Variants in EPHA6 observed in about 807,000 individuals in gnomAD.
EPHA6 encodes ephrin type-A receptor 6.
In EPHA6, 50 loss-of-function variants were observed where a neutral mutation model predicts 112.0. The ratio of observed to expected loss-of-function variants is 0.45; its 90% confidence interval spans 0.36 to 0.56. The LOEUF (loss-of-function observed/expected upper bound fraction) is 0.56, where lower values mean the gene tolerates loss of function less well. EPHA6 is among the 20% of genes least tolerant of loss of function. The pLI is 0.00. For missense variants in EPHA6, 1,280 were observed against 1,417.4 expected, an observed-to-expected ratio of 0.90 and a Z score of 1.56; for synonymous variants, 529 against 490.7, an observed-to-expected ratio of 1.08 and a Z score of -1.03.
chr3:97,066,390 T>G (rs891120171), intron 3 of EPHA6, among the ~76,000 whole-genome samples: 1 of 152,180 alleles, frequency 6.6e-6, no homozygotes, highest in African/African-American at 2.4e-5. Flanking sequence ...ATGTATTAAT[T>G]AAAGGTACTT....
At chr3:96,956,499 A>G (rs1016023809) in intron 2 of EPHA6, among the ~76,000 whole-genome samples, 1 of 152,112 alleles carries the variant, frequency 6.6e-6, no homozygotes, top group African/African-American at 2.4e-5. Context: ...TTTTCATTAC[A>G]TCTAATTAAA....
At chr3:97,702,519 C>T (rs562331893) in intron 14 of EPHA6, among the ~76,000 whole-genome samples, 25 of 152,274 alleles carry the variant, frequency 1.6e-4, no homozygotes, top group African/African-American at 5.8e-4. Flanking sequence ...AAAACAGAAA[C>T]TAAAACTTCT....
intron 3 of EPHA6, among the ~76,000 whole-genome samples, chr3:97,063,036 A>G (rs2046070633): frequency 6.6e-6 from 1 of 152,198 alleles, no homozygotes; most frequent in East Asian, 1.9e-4. Context: ...GCTATTACTA[A>G]AAAGTCAAAA....
chr3:97,140,391 A>G lies in EPHA6; in HGVS notation c.1115-85873A>G, dbSNP rs544795719. ...CATCACCAAGGCATACGGTTATCAG[A>G]CTATCCAAAGTGAACATGAGAGGAA... On this transcript the variant is annotated intron_variant, in intron 3 of 17. Coordinates refer to ENST00000389672, the MANE Select transcript of EPHA6 (RefSeq NM_001080448.3). Among the ~76,000 whole-genome samples the G allele has an allele frequency of 2.0e-5, 3 of 152,284 alleles. No individual in the cohort carries two copies. The East Asian group carries it at 5.8e-4, about 30-fold the overall frequency.
chr3:97,397,380 A>T (rs2086752785), intron 5 of EPHA6, among the ~76,000 whole-genome samples: 1 of 151,660 alleles, frequency 6.6e-6, no homozygotes, highest in Non-Finnish European at 1.5e-5. Flanking sequence ...GTCAGAATCA[A>T]ATGTCATATA....
At chr3:97,287,507 A>T (rs756574350) in intron 5 of EPHA6, among the ~76,000 whole-genome samples, 7 of 152,142 alleles carry the variant, frequency 4.6e-5, no homozygotes, top group Non-Finnish European at 8.8e-5. Context: ...AAACTAGGCA[A>T]AGAAGGAGCA....
intron 2 of EPHA6, among the ~76,000 whole-genome samples, chr3:96,973,837 A>G (rs909611604): frequency 1.4e-5 from 2 of 146,954 alleles, no homozygotes; most frequent in African/African-American, 2.5e-5. Context: ...AAAAAAAAAA[A>G]AAAGAAAAAG....
At chr3:97,456,586 A>G (rs990925698) in intron 7 of EPHA6, among the ~76,000 whole-genome samples, 6 of 152,064 alleles carry the variant, frequency 3.9e-5, no homozygotes, top group Admixed American at 2.0e-4. Context: ...CTACTTATAT[A>G]TTTTTAGTAT....
intron 14 of EPHA6, among the ~76,000 whole-genome samples, chr3:97,663,761 T>A (rs1242662399): frequency 5.9e-5 from 9 of 152,184 alleles, no homozygotes; most frequent in Non-Finnish European, 1.2e-4. Context: ...TGGTTCCAAG[T>A]CTTTGCTATT....
At chr3:97,087,328 T>A (rs1436936172) in intron 3 of EPHA6, among the ~76,000 whole-genome samples, 1 of 152,096 alleles carries the variant, frequency 6.6e-6, no homozygotes, top group Non-Finnish European at 1.5e-5. Flanking sequence ...GAACCTCAAG[T>A]TCAGTACCTT....
chr3:97,406,908 G>C (rs921473509), intron 6 of EPHA6, among the ~76,000 whole-genome samples: 1 of 151,984 alleles, frequency 6.6e-6, no homozygotes, highest in Non-Finnish European at 1.5e-5. Flanking sequence ...TCTGTTGACT[G>C]GTTTAAATAT....
At chr3:96,994,576 C>G (rs1016110904) in intron 3 of EPHA6, among the ~76,000 whole-genome samples, 1 of 151,588 alleles carries the variant, frequency 6.6e-6, no homozygotes, top group African/African-American at 2.4e-5. Flanking sequence ...GCATGAATCC[C>G]TAATAAGCTC....
intron 2 of EPHA6, among the ~76,000 whole-genome samples, chr3:96,973,417 T>C (rs2107790666): frequency 6.6e-6 from 1 of 152,302 alleles, no homozygotes; most frequent in South Asian, 2.1e-4. Context: ...TGTTTAGATG[T>C]ACGTAAGTTT....
intron 3 of EPHA6, among the ~76,000 whole-genome samples, chr3:97,020,464 C>T (rs1180747411): frequency 1.3e-5 from 2 of 152,104 alleles, no homozygotes; most frequent in Non-Finnish European, 1.5e-5. Context: ...AATGGACCTG[C>T]AGAGTACCTA....
intron 3 of EPHA6, among the ~76,000 whole-genome samples, chr3:97,188,196 T>C (rs986936766): frequency 6.6e-6 from 1 of 152,092 alleles, no homozygotes; most frequent in East Asian, 1.9e-4. Context: ...TAATTGCAAA[T>C]AGTGTTCAGC....
chr3:97,284,391 T>G (rs1343243959), intron 5 of EPHA6, among the ~76,000 whole-genome samples: 1 of 152,168 alleles, frequency 6.6e-6, no homozygotes, highest in Non-Finnish European at 1.5e-5. Flanking sequence ...CTCATTTCTC[T>G]TCCAATTTTC....
At chr3:97,483,900 A>C (rs1202999015) in intron 9 of EPHA6, 34 bp from the exon 10 acceptor site, 2 of 1,577,712 alleles carry the variant, frequency 1.3e-6, no homozygotes, top group African/African-American at 2.7e-5. Context: ...GAGATACTCA[A>C]ACTAAATCAA....
chr3:96,905,943 A>G (rs2038910848), intron 2 of EPHA6, among the ~76,000 whole-genome samples: 1 of 152,072 alleles, frequency 6.6e-6, no homozygotes, highest in Non-Finnish European at 1.5e-5. Flanking sequence ...ATGTATGTGC[A>G]TGTGCTCATG....
chr3:97,036,125 C>T (rs1490481162), intron 3 of EPHA6, among the ~76,000 whole-genome samples: 1 of 151,996 alleles, frequency 6.6e-6, no homozygotes, highest in South Asian at 2.1e-4. Context: ...GCCTCCCGAA[C>T]TGTGAAATAC....
Sources: allele counts gnomAD v4.1 joint callset (sites outside exome capture counted in the v4.1 genomes callset), GRCh38; gene constraint gnomAD v4.1.1; transcripts MANE v1.5; gene names NCBI Gene and HGNC (gene_info 2026-07-23, HGNC 2026-07-21).